TRAF2: variants seen among roughly 807,000 people sequenced by gnomAD.
The protein encoded by TRAF2 is TNF receptor-associated factor 2.
TRAF2 carries 6 observed loss-of-function variants against 55.6 expected under a neutral mutation model. The ratio of observed to expected loss-of-function variants is 0.11; its 90% CI spans 0.06 to 0.21. The LOEUF is 0.21. Among genes scored for constraint, TRAF2 ranks in the 10% least tolerant of loss-of-function variants. TRAF2 has a pLI of 1.00. For missense variants in TRAF2, 561 were observed against 684.5 expected, an observed-to-expected ratio of 0.82 and a Z score of 2.01; for synonymous variants, 329 against 276.3, an observed-to-expected ratio of 1.19 and a Z score of -1.89.
chr9:136,912,151 C>CTT lies in TRAF2; in HGVS notation c.603+2157_603+2158insTT, dbSNP rs1468376221. 2.9e-4 allele frequency among the ~76,000 whole-genome samples: 33 copies of CTT among 115,524 alleles called. 1 individual carries two copies. Among genetic ancestry groups the CTT allele is most frequent in the African/African-American group, 1.2e-3 (31 of 26,708 alleles). The allele number at this position is 115,524 out of a possible 152,430, so 75.8% of individuals were successfully genotyped here. A position where few individuals can be genotyped will look rare whatever the true frequency, so the allele number is the denominator to read the frequency against. On this transcript the variant is annotated intron_variant, in intron 6 of 10. Coordinates refer to ENST00000247668, the MANE Select transcript of TRAF2 (RefSeq NM_021138.4). ...ACAGGCGTGAGCCACTGCGTCTGGCCCTTTTTTTTTTTTTTTTTTTTTTTT... is the reference window on the plus strand; with the variant it reads ...ACAGGCGTGAGCCACTGCGTCTGGCCTTCTTTTTTTTTTTTTTTTTTTTTTTT...
At chr9:136,925,446 G>GA (rs1172705919) in intron 10 of TRAF2, among the ~76,000 whole-genome samples, 1 of 152,258 alleles carries the variant, frequency 6.6e-6, no homozygotes, top group Non-Finnish European at 1.5e-5. Context: ...GGAAAGGCCA[G>GA]AATGGACACA....
At chr9:136,884,432 C>A (rs536557602), upstream of TRAF2, among the ~76,000 whole-genome samples, 46 of 152,128 alleles carry the variant, frequency 3.0e-4, no homozygotes, top group African/African-American at 1.1e-3. Flanking sequence ...TAGCGGTGTG[C>A]GCCGGTAGTC....
At chr9:136,898,286 C>T (rs1849732694) in intron 1 of TRAF2, among the ~76,000 whole-genome samples, 2 of 152,220 alleles carry the variant, frequency 1.3e-5, no homozygotes, top group South Asian at 2.1e-4. Context: ...TTTCAGAAGG[C>T]ATCCACCACT....
At chr9:136,889,004 A>G (rs922668110) in intron 1 of TRAF2, among the ~76,000 whole-genome samples, 2 of 151,550 alleles carry the variant, frequency 1.3e-5, no homozygotes, top group African/African-American at 4.9e-5. Flanking sequence ...TAGCTGGACT[A>G]CAGGCACCCG....
At chr9:136,901,755 A>C (rs1368304564) in intron 4 of TRAF2, among the ~76,000 whole-genome samples, 1 of 152,120 alleles carries the variant, frequency 6.6e-6, no homozygotes, top group African/African-American at 2.4e-5. Context: ...CAGAGCTGGG[A>C]TCTCCTGCTC....
intron 4 of TRAF2, among the ~76,000 whole-genome samples, chr9:136,904,957 G>A (rs1849912514): frequency 6.6e-6 from 1 of 152,218 alleles, no homozygotes. Context: ...AGGTCTTGGA[G>A]GGCTGGGCCC....
intron 7 of TRAF2, among the ~76,000 whole-genome samples, chr9:136,918,388 G>A (rs1475653445): frequency 6.6e-6 from 1 of 151,264 alleles, no homozygotes; most frequent in East Asian, 2.0e-4. Flanking sequence ...TTGTGCCTCA[G>A]CCTCCCAAGT....
chr9:136,925,482 C>T (rs1001846043), intron 10 of TRAF2, among the ~76,000 whole-genome samples: 20 of 151,806 alleles, frequency 1.3e-4, no homozygotes, highest in East Asian at 3.9e-4. Context: ...AGCGGAATGC[C>T]GGTGGCTGGG....
chr9:136,899,577 C>CATTAGGTTT lies in TRAF2; in HGVS notation c.189-17_189-16insATTAGGTTT. 1 of 1,595,748 alleles carries CATTAGGTTT rather than the reference C, an allele frequency of 6.3e-7. No homozygotes were observed. Among genetic ancestry groups the CATTAGGTTT allele is most frequent in the Non-Finnish European group, 8.5e-7 (1 of 1,170,506 alleles). ...AGGTTTCACAGTGGGTTGTTTTTTGCCTTTTTTCCCCACTAGCTCTGGGCC... is the reference window on the plus strand; with the variant it reads ...AGGTTTCACAGTGGGTTGTTTTTTGCATTAGGTTTCTTTTTTCCCCACTAGCTCTGGGCC... On this transcript the variant is annotated splice_polypyrimidine_tract_variant and intron_variant, in intron 2 of 10. Transcript: ENST00000247668.
chr9:136,893,938 T>C (rs1025737881), intron 1 of TRAF2, among the ~76,000 whole-genome samples: 4 of 149,800 alleles, frequency 2.7e-5, no homozygotes, highest in Admixed American at 2.7e-4. Flanking sequence ...TTACTAGAGA[T>C]GGGGTTTCAC....
intron 7 of TRAF2, among the ~76,000 whole-genome samples, chr9:136,917,745 C>A (rs1850275946): frequency 6.6e-6 from 1 of 152,160 alleles, no homozygotes; most frequent in South Asian, 2.1e-4. Context: ...AGCGTGGCTG[C>A]TTCCATTTTC....
Position 136,921,109 on chromosome 9 carries a change from G to A in TRAF2, c.1032G>A (p.Glu344=), listed in dbSNP as rs2131331083. The A allele has an allele frequency of 6.2e-7, 1 of 1,614,116 alleles. No individual in the cohort carries two copies. Among genetic ancestry groups the A allele is most frequent in the East Asian group, 2.2e-5 (1 of 44,892 alleles). ...CTGACTTGGAGCAGAAGGTCTTGGAGATGGAGGCATCCACCTACGATGGGG... is the reference window on the plus strand; with the variant it reads ...CTGACTTGGAGCAGAAGGTCTTGGAAATGGAGGCATCCACCTACGATGGGG... ...AMADLEQKVL[E]MEASTYDGVF... Residue 344 remains glutamate, a synonymous_variant, in exon 9 of 11, where the codon GAG becomes GAA. Transcript: ENST00000247668.
At chr9:136,889,472 C>T (rs1336860561) in intron 1 of TRAF2, 8 of 152,058 alleles carry the variant, frequency 5.3e-5, no homozygotes, top group African/African-American at 1.7e-4. Context: ...TTAATAGAGA[C>T]AGGGTTTCTC....
chr9:136,912,761 C>T (rs1278359670), intron 6 of TRAF2, among the ~76,000 whole-genome samples: 1 of 151,828 alleles, frequency 6.6e-6, no homozygotes, highest in East Asian at 1.9e-4. Context: ...TGCTTGAACC[C>T]AGGAGGTGGA....
Position 136,923,832 on chromosome 9 carries a change from C to A in TRAF2, c.1139-20C>A, listed in dbSNP as rs1170194863. 1 of 1,610,944 alleles carries A rather than the reference C, an allele frequency of 6.2e-7. No homozygotes were observed. The highest frequency in any genetic ancestry group is 8.5e-7 in the Non-Finnish European group (1 of 1,178,622). On this transcript the variant is annotated intron_variant, in intron 9 of 10. Coordinates refer to ENST00000247668, the MANE Select transcript of TRAF2 (RefSeq NM_021138.4). ...CCTTGCTGAGTGTCAGCTCACCAGG[C>A]ACCCCTCCTGCCTCCCCAGCCTTCT... is the stretch of plus-strand genomic sequence containing the variant.
At chr9:136,902,127 G>A (rs976289279) in intron 4 of TRAF2, 3 of 152,278 alleles carry the variant, frequency 2.0e-5, no homozygotes, top group Admixed American at 6.5e-5. Context: ...CCTCAGCCAC[G>A]ACGTGCGATG....
chr9:136,889,300 T>C (rs1849526085), intron 1 of TRAF2, among the ~76,000 whole-genome samples: 1 of 151,820 alleles, frequency 6.6e-6, no homozygotes, highest in African/African-American at 2.4e-5. Context: ...TTTCTTTTTT[T>C]GAGACAGAGT....
intron 1 of TRAF2, 27 bp downstream of exon 1, chr9:136,886,568 G>C: frequency 1.0e-6 from 1 of 983,526 alleles, no homozygotes; most frequent in Non-Finnish European, 1.2e-6. Flanking sequence ...GTCGGGTGCG[G>C]GGTCGGGCGC....
intron 1 of TRAF2, among the ~76,000 whole-genome samples, chr9:136,889,920 G>T (rs1158577889): frequency 2.6e-5 from 4 of 151,848 alleles, no homozygotes; most frequent in Non-Finnish European, 5.9e-5. Flanking sequence ...ACCCCCGCAT[G>T]CTTGTTCAGC....
Sources: allele counts gnomAD v4.1 joint callset (sites outside exome capture counted in the v4.1 genomes callset), GRCh38; gene constraint gnomAD v4.1.1; transcripts MANE v1.5; gene names NCBI Gene and HGNC (gene_info 2026-07-23, HGNC 2026-07-21).